Variants in ZIM2 observed in about 807,000 individuals in gnomAD.
ZIM2 encodes the protein zinc finger imprinted 2.
A neutral mutation model predicts 38.6 loss-of-function variants in ZIM2; 14 were observed. That is an observed-to-expected ratio of 0.36 (90% CI 0.24 to 0.57). ZIM2 has a LOEUF of 0.57. Ranked by LOEUF, ZIM2 falls within the 20% of genes least tolerant of loss-of-function variation. ZIM2 has a pLI of 0.81. For missense variants in ZIM2, 680 were observed against 695.1 expected (o/e 0.98, Z 0.24); for synonymous variants, 247 against 245.8 (o/e 1.00, Z -0.04).
intron 12 of ZIM2, 40 bp downstream of exon 12, chr19:56,779,337 T>G (rs1342688391): frequency 1.4e-5 from 23 of 1,604,006 alleles, no homozygotes; most frequent in Non-Finnish European, 2.0e-5. Context: ...CATTTACTGG[T>G]TCCCCCTCCT....
intron 7 of ZIM2, among the ~76,000 whole-genome samples, chr19:56,820,828 C>T (rs771284916): frequency 3.0e-4 from 46 of 152,336 alleles, no homozygotes; most frequent in Non-Finnish European, 6.2e-4. Flanking sequence ...CACTGCTGTG[C>T]CCCCCAGGGC....
intron 9 of ZIM2, 118 bp downstream of exon 9, chr19:56,817,628 A>T: frequency 6.5e-7 from 1 of 1,536,038 alleles, no homozygotes; most frequent in African/African-American, 1.4e-5. Context: ...CATAAGAAGG[A>T]CAGTGGGACT....
chr19:56,809,268 A>T (rs1255976867), intron 9 of ZIM2, among the ~76,000 whole-genome samples: 1 of 152,224 alleles, frequency 6.6e-6, no homozygotes, highest in Non-Finnish European at 1.5e-5. Context: ...AAGTTCTAAG[A>T]ACATGAAAGA....
chr19:56,787,710 GTTTT>G (rs56289231), intron 10 of ZIM2, among the ~76,000 whole-genome samples: 2 of 105,848 alleles, frequency 1.9e-5, no homozygotes, highest in Non-Finnish European at 4.0e-5. Flanking sequence ...CTGGTCCTGG[GTTTT>G]TTTTTTTTTT....
At chr19:56,836,362 T>TAC (rs1203138942) in intron 1 of ZIM2, among the ~76,000 whole-genome samples, 4 of 152,168 alleles carry the variant, frequency 2.6e-5, no homozygotes, top group South Asian at 4.1e-4. Context: ...TGGGGTGTCT[T>TAC]ACAACCTTCT....
At chr19:56,838,131 A>AC (rs1304413307) in intron 1 of ZIM2, among the ~76,000 whole-genome samples, 9 of 152,014 alleles carry the variant, frequency 5.9e-5, no homozygotes, top group Non-Finnish European at 7.4e-5. Flanking sequence ...GGCCATGCAG[A>AC]CCCCGTCAGT....
chr19:56,795,536 G>C (rs541075558), intron 9 of ZIM2, among the ~76,000 whole-genome samples: 1 of 152,234 alleles, frequency 6.6e-6, no homozygotes, highest in African/African-American at 2.4e-5. Flanking sequence ...CGCATGCGCC[G>C]TGGCTGGCTT....
At chr19:56,824,824 C>T in intron 3 of ZIM2, 1 of 632,348 alleles carries the variant, frequency 1.6e-6, no homozygotes, top group South Asian at 2.1e-5. Flanking sequence ...GAGGCATCGA[C>T]AATGCTTTTG....
rs1335268655 is a variant in ZIM2 at position 56,789,873 on chromosome 19, T to C, written c.569A>G (p.Gln190Arg). Residue 190 changes from glutamine to arginine, a missense_variant and splice_region_variant, in exon 10 of 13, where the codon CAG becomes CGG. Gln to Arg is a conservative substitution (Grantham distance 43, BLOSUM62 1). Transcript: ENST00000629319. ...MLDNLPSAGS[Q>R]FPDFKHLGTF... ...ATGTCAGAGGAAAGCCTGACTCACC[T>C]GGGACCCAGCAGATGGCAGATTGTC... 6.4e-7 allele frequency: 1 copy of C among 1,572,964 alleles called. No homozygotes were observed. Among genetic ancestry groups the C allele is most frequent in the East Asian group, 2.3e-5 (1 of 44,104 alleles).
intron 2 of ZIM2, among the ~76,000 whole-genome samples, chr19:56,826,718 G>T (rs969292026): frequency 4.0e-4 from 61 of 152,178 alleles, no homozygotes; most frequent in African/African-American, 1.4e-3. Context: ...AAGAAACCAC[G>T]AACCAAAACT....
At chr19:56,834,883 T>C (rs2061932085) in intron 2 of ZIM2, among the ~76,000 whole-genome samples, 1 of 152,206 alleles carries the variant, frequency 6.6e-6, no homozygotes, top group African/African-American at 2.4e-5. Flanking sequence ...CATTCACTTC[T>C]GGAGACTCTA....
At chr19:56,806,778 T>C (rs947009734) in intron 9 of ZIM2, among the ~76,000 whole-genome samples, 10 of 152,116 alleles carry the variant, frequency 6.6e-5, no homozygotes, top group African/African-American at 2.4e-4. Flanking sequence ...TGAATGGGAT[T>C]AGTGCCCTTA....
At position 56,817,781 on chromosome 19, in the gene ZIM2, C is replaced by A. The variant is rs368583066; in HGVS notation, c.455G>T (p.Arg152Ile). 2 of 1,614,022 alleles carry A rather than the reference C, an allele frequency of 1.2e-6. No individual in the cohort carries two copies. The highest frequency in any genetic ancestry group is 1.7e-6 in the Non-Finnish European group (2 of 1,180,030). ...GCTTGGGTAGGCACTTCTCTTGGAT[C>A]TTGATGAGTGGCCCTGCGTCATGTG... The part of the protein sequence containing the change: ...HSHMTQGHSS[R>I]SKRSAYPSTS... Residue 152 changes from arginine to isoleucine, a missense_variant, in exon 9 of 13, where the codon AGA becomes ATA. Transcript: ENST00000629319.
chr19:56,785,843 G>A (rs1416655802), intron 10 of ZIM2, among the ~76,000 whole-genome samples: 1 of 152,176 alleles, frequency 6.6e-6, no homozygotes, highest in Non-Finnish European at 1.5e-5. Flanking sequence ...CACAGATGCT[G>A]TATGTCTATT....
chr19:56,796,788 A>G (rs2047252582), intron 9 of ZIM2, among the ~76,000 whole-genome samples: 1 of 152,258 alleles, frequency 6.6e-6, no homozygotes, highest in African/African-American at 2.4e-5. Context: ...TGGATCTCAC[A>G]CAGGAAGGAA....
At chr19:56,816,345 C>T (rs1336848979) in intron 9 of ZIM2, 1 of 1,614,062 alleles carries the variant, frequency 6.2e-7, no homozygotes, top group African/African-American at 1.3e-5. Context: ...GCTCACTGAG[C>T]TCTGAGCTTT....
Position 56,814,799 on chromosome 19 carries a change from C to G in ZIM2, c.490+2947G>C, listed in dbSNP as rs1326935020. On this transcript the variant is annotated intron_variant, in intron 9 of 12. Transcript: ENST00000629319. The surrounding 1 kb of genome is among the most constrained non-coding windows in gnomAD (Gnocchi z 5.8). ...GACCCAGCAAGAGCAGGATTCCTCTCTGCAGCACGATTCCTCCGTGGCTTC... is the reference window on the plus strand; with the variant it reads ...GACCCAGCAAGAGCAGGATTCCTCTGTGCAGCACGATTCCTCCGTGGCTTC... 6.2e-7 allele frequency: 1 copy of G among 1,614,196 alleles called. No individual in the cohort carries two copies. The highest frequency in any genetic ancestry group is 1.7e-5 in the Admixed American group (1 of 60,030).
chr19:56,816,605 C>G (rs779661784), intron 9 of ZIM2: 2 of 1,613,792 alleles, frequency 1.2e-6, no homozygotes, highest in African/African-American at 1.3e-5. Context: ...TCATTAAGGG[C>G]TGGGCTGGGC....
chr19:56,813,490 A>C (rs1012587801), intron 9 of ZIM2: 36 of 1,394,022 alleles, frequency 2.6e-5, no homozygotes, highest in Non-Finnish European at 3.3e-5. Context: ...TGAAGGGGAA[A>C]GCTTAAGACT....
Sources: gnomAD v4.1 joint callset for allele counts (sites outside exome capture counted in the v4.1 genomes callset) on GRCh38, gnomAD v4.1.1 for gene constraint, Gnocchi (gnomAD v3.1) non-coding constraint, MANE v1.5 for transcripts, NCBI Gene and HGNC (gene_info 2026-07-23, HGNC 2026-07-21) for gene names.